The following ARHGAP5 variants were observed in gnomAD, a reference collection of about 807,000 sequenced individuals.
The protein encoded by ARHGAP5 is Rho GTPase activating protein 5.
ARHGAP5 carries 23 observed loss-of-function variants against 116.6 expected under a neutral mutation model. The observed-to-expected ratio is 0.20, with a 90% CI of 0.14 to 0.28. The LOEUF (loss-of-function observed/expected upper bound fraction) is 0.28. Ranked by LOEUF, ARHGAP5 falls within the 10% of genes least tolerant of loss-of-function variation. The pLI, the probability that ARHGAP5 is intolerant of heterozygous loss-of-function variation, is 1.00. For missense variants in ARHGAP5, 1,405 were observed against 1,774.8 expected (o/e 0.79, Z 3.74); for synonymous variants, 574 against 602.0 (o/e 0.95, Z 0.68).
intron 4 of ARHGAP5, among the ~76,000 whole-genome samples, chr14:32,148,778 C>A (rs1325554904): frequency 6.6e-6 from 1 of 152,074 alleles, no homozygotes; most frequent in Non-Finnish European, 1.5e-5. Context: ...GTAAACAATG[C>A]TTCTCTCTAG....
rs984328223 is a variant in ARHGAP5 at position 32,092,443 on chromosome 14, A to T, written c.1774A>T (p.Asn592Tyr). 6.2e-7 allele frequency: 1 copy of T among 1,613,930 alleles called. No individual in the cohort carries two copies. Among genetic ancestry groups the T allele is most frequent in the African/African-American group, 1.3e-5 (1 of 75,048 alleles). ...GRLRLYHDST[N>Y]IDKVNLFILG... The stretch of plus-strand genomic sequence containing the variant: ...CTTAAGATTATATCACGATAGTACC[A>T]ATATAGATAAAGTTAACCTTTTTAT... The change falls in exon 2 of 7, where the codon AAT becomes TAT. Residue 592 changes from asparagine (N) to tyrosine (Y), a missense_variant. Coordinates refer to ENST00000345122, the MANE Select transcript of ARHGAP5 (RefSeq NM_001030055.2). This position sits in a 1 kb window ranked among gnomAD's most constrained non-coding sequence, Gnocchi z 4.1.
At position 32,089,369 on chromosome 14, in the gene ARHGAP5, G is replaced by A. The variant is rs2041862215; in HGVS notation, c.-168-1133G>A. 3.3e-5 allele frequency among the ~76,000 whole-genome samples: 5 copies of A among 151,780 alleles called. No homozygotes were observed. In the South Asian group the frequency reaches 1.0e-3, roughly 32 times the overall value. ...TGTTCTTTATTTTGTCTGGATTGAG[G>A]ATACTTTTCATATGTGCTGATGTAC... On this transcript the variant is annotated intron_variant, in intron 1 of 6. Transcript: ENST00000345122.
intron 5 of ARHGAP5, among the ~76,000 whole-genome samples, chr14:32,150,468 C>G (rs1318597986): frequency 6.6e-6 from 1 of 152,138 alleles, no homozygotes; most frequent in East Asian, 1.9e-4. Context: ...GTTCTAGAGG[C>G]TGGTAAGTTC....
chr14:32,132,968 A>C (rs1208256342), intron 3 of ARHGAP5, among the ~76,000 whole-genome samples: 6 of 152,180 alleles, frequency 3.9e-5, no homozygotes, highest in Non-Finnish European at 5.9e-5. Context: ...TACCAGTACC[A>C]TGCTGTTTTG....
At chr14:32,090,369 TTATG>T (rs1323510077) in intron 1 of ARHGAP5, 129 bp from the exon 2 acceptor site, 2 of 413,320 alleles carry the variant, frequency 4.8e-6, no homozygotes, top group East Asian at 3.5e-5. Flanking sequence ...CATAAACTGT[TTATG>T]TAGTTACCTC....
intron 2 of ARHGAP5, among the ~76,000 whole-genome samples, chr14:32,095,955 T>A (rs1424699108): frequency 6.6e-6 from 1 of 152,234 alleles, no homozygotes; most frequent in Non-Finnish European, 1.5e-5. Context: ...TTTTCCATTT[T>A]TGTTCACAAG....
intron 3 of ARHGAP5, among the ~76,000 whole-genome samples, chr14:32,140,756 C>T (rs965047402): frequency 1.3e-5 from 2 of 152,088 alleles, no homozygotes; most frequent in Non-Finnish European, 2.9e-5. Context: ...GGTGTTTCCT[C>T]CAGAATGTTA....
chr14:32,118,026 C>T (rs1299500726), intron 3 of ARHGAP5, among the ~76,000 whole-genome samples: 1 of 152,108 alleles, frequency 6.6e-6, no homozygotes, highest in African/African-American at 2.4e-5. Context: ...TCAGTTTTGG[C>T]TTTGTTACTA....
chr14:32,116,943 T>C (rs1479747804), intron 2 of ARHGAP5, among the ~76,000 whole-genome samples, 197 bp from the exon 3 acceptor site: 1 of 152,220 alleles, frequency 6.6e-6, no homozygotes, highest in African/African-American at 2.4e-5. Flanking sequence ...ATAAGCCATT[T>C]TTTTTTCTGT....
At position 32,093,618 on chromosome 14, in the gene ARHGAP5, T is replaced by C. The variant is rs138769686; in HGVS notation, c.2949T>C (p.Asp983=). The part of the protein sequence containing the change: ...FPYNNYPDSD[D]DTEAPPPYSP... Reference sequence around the variant, plus strand: ...ATAATAACTACCCTGATTCAGATGATGACACAGAAGCACCACCTCCTTATA... The same window carrying C: ...ATAATAACTACCCTGATTCAGATGACGACACAGAAGCACCACCTCCTTATA... Residue 983 remains aspartate, a synonymous_variant, in exon 2 of 7, where the codon GAT becomes GAC. Transcript: ENST00000345122. The C allele has an allele frequency of 5.1e-5, 82 of 1,613,836 alleles. No homozygotes were observed. In the African/African-American group the frequency reaches 1.0e-3, roughly 20 times the overall value.
At chr14:32,123,323 C>T (rs1879983110) in intron 3 of ARHGAP5, among the ~76,000 whole-genome samples, 3 of 151,990 alleles carry the variant, frequency 2.0e-5, no homozygotes, top group Non-Finnish European at 4.4e-5. Flanking sequence ...TTTCCCACTC[C>T]TTATTCGTGT....
At chr14:32,107,195 C>T (rs1471544166) in intron 2 of ARHGAP5, among the ~76,000 whole-genome samples, 1 of 152,130 alleles carries the variant, frequency 6.6e-6, no homozygotes, top group Non-Finnish European at 1.5e-5. Context: ...TTCTTCAGTT[C>T]TTACAGACTG....
chr14:32,113,355 G>A (rs1204130703), intron 2 of ARHGAP5, among the ~76,000 whole-genome samples: 2 of 152,054 alleles, frequency 1.3e-5, no homozygotes, highest in African/African-American at 2.4e-5. Context: ...TCATTAATTA[G>A]TGGAAAAATT....
Position 32,156,297 on chromosome 14 carries a change from A to G in ARHGAP5, c.*1349A>G, listed in dbSNP as rs1382861080. 3 of 152,432 alleles carry G rather than the reference A, an allele frequency of 2.0e-5. No individual in the cohort carries two copies. The highest frequency in any genetic ancestry group is 4.4e-5 in the Non-Finnish European group (3 of 67,862). The allele number at this position is 152,432 out of a possible 1,614,324, so 9.4% of individuals were successfully genotyped here. A position where few individuals can be genotyped will look rare whatever the true frequency, so the allele number is the denominator to read the frequency against. On this transcript the variant is annotated 3_prime_UTR_variant, in exon 7 of 7. Coordinates refer to ENST00000345122, the MANE Select transcript of ARHGAP5 (RefSeq NM_001030055.2). ...TAGTAAAGAAAAAAATTATTTGGTC[A>G]ATGTTATCTTAATTCATACTACAAT... is the stretch of plus-strand genomic sequence containing the variant.
At chr14:32,143,645 C>G (rs1881242049) in intron 3 of ARHGAP5, among the ~76,000 whole-genome samples, 1 of 152,124 alleles carries the variant, frequency 6.6e-6, no homozygotes. Context: ...AGGATGGATA[C>G]TTTGGGTGAT....
chr14:32,125,598 T>C (rs981049024), intron 3 of ARHGAP5, among the ~76,000 whole-genome samples: 3 of 152,222 alleles, frequency 2.0e-5, no homozygotes, highest in South Asian at 2.1e-4. Context: ...CCACCAACAA[T>C]GTGTAAGGGT....
intron 2 of ARHGAP5, among the ~76,000 whole-genome samples, chr14:32,100,055 A>G (rs565905578): frequency 3.9e-5 from 6 of 152,230 alleles, no homozygotes; most frequent in Admixed American, 6.5e-5. Flanking sequence ...TTTCTACATA[A>G]TTGAAATGCA....
Position 32,094,226 on chromosome 14 carries a change from CAAAAAG to C in ARHGAP5, c.3562_3567del (p.Arg1188_Lys1189del). 6.2e-7 allele frequency: 1 copy of C among 1,612,660 alleles called. No homozygotes were observed. The highest frequency in any genetic ancestry group is 8.5e-7 in the Non-Finnish European group (1 of 1,179,712). ...GATGAGGCTTTCACCACTTCTAAAACAAAAAGAAAAGGAAGACATCGTGGAAGTGAA... is the reference window on the plus strand; with the variant it reads ...GATGAGGCTTTCACCACTTCTAAAACAAAAGGAAGACATCGTGGAAGTGAA... On this transcript the variant is annotated inframe_deletion, in exon 2 of 7. Coordinates refer to ENST00000345122, the MANE Select transcript of ARHGAP5 (RefSeq NM_001030055.2).
intron 3 of ARHGAP5, among the ~76,000 whole-genome samples, chr14:32,135,425 G>T (rs1210976891): frequency 6.6e-6 from 1 of 152,064 alleles, no homozygotes; most frequent in African/African-American, 2.4e-5. Context: ...GGTCTAAGTT[G>T]TTTTTTTGTT....
Sources: allele counts gnomAD v4.1 joint callset (sites outside exome capture counted in the v4.1 genomes callset), GRCh38; gene constraint gnomAD v4.1.1; non-coding constraint Gnocchi (gnomAD v3.1); transcripts MANE v1.5; gene names NCBI Gene and HGNC (gene_info 2026-07-23, HGNC 2026-07-21).